HAPLN4: variants seen among roughly 807,000 people sequenced by gnomAD.
HAPLN4 encodes the protein brain link protein 2.
In HAPLN4, 19 loss-of-function variants were observed where a neutral mutation model predicts 28.0. The observed-to-expected ratio is 0.68, with a 90% CI of 0.47 to 1.00. The LOEUF (loss-of-function observed/expected upper bound fraction) is 1.00, where lower values mean the gene tolerates loss of function less well. Ranked by LOEUF, HAPLN4 falls within the 50% of genes least tolerant of loss-of-function variation. The pLI is 0.00. For missense variants in HAPLN4, 587 were observed against 602.6 expected (o/e 0.97, Z 0.27); for synonymous variants, 274 against 273.0 (o/e 1.00, Z -0.03).
At chr19:19,262,448 CAG>C (rs1462650899) in intron 1 of HAPLN4, among the ~76,000 whole-genome samples, 1 of 149,434 alleles carries the variant, frequency 6.7e-6, no homozygotes, top group Admixed American at 6.6e-5. Context: ...GTGCCAGAGG[CAG>C]AGAGACTCAG....
intron 1 of HAPLN4, 33 bp downstream of exon 1, chr19:19,262,697 G>T (rs1456195324): frequency 2.5e-6 from 4 of 1,610,706 alleles, no homozygotes; most frequent in South Asian, 2.2e-5. Context: ...GGGAGACGGG[G>T]CACACACCAC....
chr19:19,260,787 G>A (rs762803498), intron 3 of HAPLN4, 26 bp downstream of exon 3: 4 of 1,594,712 alleles, frequency 2.5e-6, no homozygotes, highest in Non-Finnish European at 8.6e-7. Flanking sequence ...CAGAAGCAAG[G>A]TTTATCCTCC....
At chr19:19,261,771 C>CA in intron 1 of HAPLN4, 1 of 503,758 alleles carries the variant, frequency 2.0e-6, no homozygotes, top group South Asian at 2.7e-5. Context: ...AGACTCCCCC[C>CA]CGCCCTCAGT....
rs891910642 is a variant in HAPLN4 at position 19,258,469 on chromosome 19, C to G, written c.817+54G>C. ...AAGAGCTGGGTGGGGAAGAAGGCCC[C>G]GGGGTTGGGGTAGTGTTGCAGCAGA... On this transcript the variant is annotated intron_variant, in intron 4 of 4. Coordinates refer to ENST00000291481, the MANE Select transcript of HAPLN4 (RefSeq NM_023002.3). This position sits in a 1 kb window ranked among gnomAD's most constrained non-coding sequence, Gnocchi z 6.2. The G allele has an allele frequency of 5.2e-6, 8 of 1,552,422 alleles. No individual in the cohort carries two copies. The highest frequency in any genetic ancestry group is 7.1e-6 in the Non-Finnish European group (8 of 1,133,678).
rs778953968 is a variant in HAPLN4, at chr19:19,261,123, G to A, written c.174C>T (p.Ser58=). The change falls in exon 3 of 5, where the codon AGC becomes AGT. Residue 58 remains serine (S), a synonymous_variant. Transcript: ENST00000291481. Reference sequence around the variant, plus strand: ...GCAAGACGATGGTGCCACCACGGTGGCTTACCACCTGCCCAGGCGCTGTCT... The same window carrying A: ...GCAAGACGATGGTGCCACCACGGTGACTTACCACCTGCCCAGGCGCTGTCT... ...VVQTAPGQVV[S]HRGGTIVLPC... 2 of 1,610,662 alleles carry A rather than the reference G, an allele frequency of 1.2e-6. No homozygotes were observed. The highest frequency in any genetic ancestry group is 1.7e-6 in the Non-Finnish European group (2 of 1,178,458).
Position 19,260,875 on chromosome 19 carries a change from T to C in HAPLN4, c.422A>G (p.Tyr141Cys), listed in dbSNP as rs1371869896. The C allele has an allele frequency of 6.2e-7, 1 of 1,614,122 alleles. No individual in the cohort carries two copies. Among genetic ancestry groups the C allele is most frequent in the Admixed American group, 1.7e-5 (1 of 60,028 alleles). Residue 141 changes from tyrosine (Y) to cysteine (C), a missense_variant, in exon 3 of 5, where the codon TAT becomes TGT. Tyr to Cys is a radical substitution (Grantham distance 194). Coordinates refer to ENST00000291481, the MANE Select transcript of HAPLN4 (RefSeq NM_023002.3). ...RNVTLQDYGR[Y>C]ECEVTNELED... is the part of the protein sequence containing the mutation. ...CAGCTCATTGGTGACTTCGCACTCATAGCGCCCGTAGTCTTGCAGCGTGAC... is the reference window on the plus strand; with the variant it reads ...CAGCTCATTGGTGACTTCGCACTCACAGCGCCCGTAGTCTTGCAGCGTGAC...
At position 19,258,674 on chromosome 19, in the gene HAPLN4, G is replaced by T. The variant is rs759841346; in HGVS notation, c.666C>A (p.Pro222=). 1.9e-6 allele frequency: 3 copies of T among 1,609,506 alleles called. No individual in the cohort carries two copies. The highest frequency in any genetic ancestry group is 2.5e-6 in the Non-Finnish European group (3 of 1,178,326). The change falls in exon 4 of 5, where the codon CCC becomes CCA. Residue 222 remains proline (P), a synonymous_variant. Transcript: ENST00000291481. The surrounding 1 kb of genome is among the most constrained non-coding windows in gnomAD (Gnocchi z 6.2). Reference sequence around the variant, plus strand: ...CGCAGGGCTCCCGGGGCCGGTTCACGGGGTATTGCACTGAGCCGTCGCGCA... The same window carrying T: ...CGCAGGGCTCCCGGGGCCGGTTCACTGGGTATTGCACTGAGCCGTCGCGCA... ...GWLRDGSVQY[P]VNRPREPCGG... is the part of the protein sequence containing the mutation.
Position 19,261,000 on chromosome 19 carries a change from G to T in HAPLN4, c.297C>A (p.Phe99Leu). 1 of 1,613,734 alleles carries T rather than the reference G, an allele frequency of 6.2e-7. No individual in the cohort carries two copies. The highest frequency in any genetic ancestry group is 1.1e-5 in the South Asian group (1 of 91,080). The change falls in exon 3 of 5, where the codon TTC (phenylalanine) becomes TTA (leucine). Residue 99 changes from phenylalanine to leucine, a missense_variant. Transcript: ENST00000291481. ...VVDPLAFTDV[F>L]VALGPQHRAF... Reference sequence around the variant, plus strand: ...CCCGGTGCTGGGGGCCTAGTGCCACGAAGACGTCGGTGAAGGCCAGCGGGT... The same window carrying T: ...CCCGGTGCTGGGGGCCTAGTGCCACTAAGACGTCGGTGAAGGCCAGCGGGT...
chr19:19,260,762 G>GC, intron 3 of HAPLN4, 51 bp downstream of exon 3: 1 of 1,569,840 alleles, frequency 6.4e-7, no homozygotes. Context: ...TGCCATCCCC[G>GC]CCCCCCTCCT....
chr19:19,257,056 C>T lies in HAPLN4; in HGVS notation c.*761G>A, dbSNP rs1002321573. On this transcript the variant is annotated 3_prime_UTR_variant, in exon 5 of 5. Transcript: ENST00000291481. ...TCAGAGGACAGGGTGGGTTTGCTCT[C>T]CCTTCAAAGAAATATCTGAGGGGTG... 5.9e-5 allele frequency: 9 copies of T among 152,336 alleles called. No homozygotes were observed. Among genetic ancestry groups the T allele is most frequent in the African/African-American group, 2.2e-4 (9 of 41,376 alleles). The allele number at this position is 152,336 out of a possible 1,614,324, so 9.4% of individuals were successfully genotyped here.
At position 19,261,573 on chromosome 19, in the gene HAPLN4, G is replaced by T; in HGVS notation, c.4-10C>A. On this transcript the variant is annotated splice_polypyrimidine_tract_variant and intron_variant, in intron 1 of 4. Transcript: ENST00000291481. ...CCGCCCGAGCGCACACCTGGGGGGC[G>T]GGCACGGGGCGCTCAGTCCAGCCTC... 6.8e-7 allele frequency: 1 copy of T among 1,460,092 alleles called. No individual in the cohort carries two copies. The highest frequency in any genetic ancestry group is 1.4e-5 in the South Asian group (1 of 69,538). 90.4% of individuals were successfully genotyped at this position (1,460,092 alleles called of 1,614,324 possible). A position where few individuals can be genotyped will look rare whatever the true frequency, so the allele number is the denominator to read the frequency against.
In HAPLN4 at chr19:19,257,790, C is replaced by T. The variant is rs779671711; in HGVS notation, c.*27G>A. 2 of 1,391,864 alleles carry T rather than the reference C, an allele frequency of 1.4e-6. No homozygotes were observed. The highest frequency in any genetic ancestry group is 1.8e-5 in the South Asian group (1 of 56,628). 86.2% of individuals were successfully genotyped at this position (1,391,864 alleles called of 1,614,324 possible). A position where few individuals can be genotyped will look rare whatever the true frequency, so the allele number is the denominator to read the frequency against. ...ACAGGGCTCTAGACCAGTGGTCAAG[C>T]GCCCTGGCTGTCCGCCTACTCCCAG... On this transcript the variant is annotated 3_prime_UTR_variant, in exon 5 of 5. Coordinates refer to ENST00000291481, the MANE Select transcript of HAPLN4 (RefSeq NM_023002.3).
At position 19,258,612 on chromosome 19, in the gene HAPLN4, C is replaced by T; in HGVS notation, c.728G>A (p.Gly243Asp). ...LGGTGSAGGG[G>D]DANGGLRNYG... ...GTTGCGCAGGCCCCCGTTGGCATCA[C>T]CGCCGCCCCCTGCACTCCCGGTCCC... Residue 243 changes from glycine to aspartate, a missense_variant, in exon 4 of 5, where the codon GGT becomes GAT. Coordinates refer to ENST00000291481, the MANE Select transcript of HAPLN4 (RefSeq NM_023002.3). This position sits in a 1 kb window ranked among gnomAD's most constrained non-coding sequence, Gnocchi z 6.2. 1 of 1,613,376 alleles carries T rather than the reference C, an allele frequency of 6.2e-7. No individual in the cohort carries two copies. Among genetic ancestry groups the T allele is most frequent in the Non-Finnish European group, 8.5e-7 (1 of 1,179,772 alleles).
chr19:19,255,040 C>T lies in HAPLN4; in HGVS notation c.*2777G>A, dbSNP rs977935260. ...TCATGTCAGGGAAAGTTTGTAATGTCTCTCCCTTCCTGGTACAGGAACCCC... is the reference window on the plus strand; with the variant it reads ...TCATGTCAGGGAAAGTTTGTAATGTTTCTCCCTTCCTGGTACAGGAACCCC... On this transcript the variant is annotated 3_prime_UTR_variant, in exon 5 of 5. Transcript: ENST00000291481. The T allele has an allele frequency of 1.3e-5, 2 of 152,250 alleles. No individual in the cohort carries two copies. Among genetic ancestry groups the T allele is most frequent in the African/African-American group, 4.8e-5 (2 of 41,438 alleles). 9.4% of individuals were successfully genotyped at this position (152,250 alleles called of 1,614,324 possible). A position where few individuals can be genotyped will look rare whatever the true frequency, so the allele number is the denominator to read the frequency against.
At chr19:19,261,771 C>A (rs1397630336) in intron 1 of HAPLN4, 5 of 503,650 alleles carry the variant, frequency 9.9e-6, no homozygotes, top group Non-Finnish European at 1.4e-5. Context: ...AGACTCCCCC[C>A]CGCCCTCAGT....
chr19:19,257,733 G>C lies in HAPLN4; in HGVS notation c.*84C>G. On this transcript the variant is annotated 3_prime_UTR_variant, in exon 5 of 5. Transcript: ENST00000291481. ...ACAGGGAATGTGGCCAGTGTCCAGG[G>C]CTTCAAGGGCGTGGCCAGGCTCCAG... 7.4e-7 allele frequency: 1 copy of C among 1,347,722 alleles called. No homozygotes were observed. The highest frequency in any genetic ancestry group is 9.5e-7 in the Non-Finnish European group (1 of 1,050,874). The allele number at this position is 1,347,722 out of a possible 1,614,324, so 83.5% of individuals were successfully genotyped here. A position where few individuals can be genotyped will look rare whatever the true frequency, so the allele number is the denominator to read the frequency against.
In HAPLN4 at chr19:19,258,071, T is replaced by G. The variant is rs751852363; in HGVS notation, c.955A>C (p.Thr319Pro). 3.9e-6 allele frequency: 6 copies of G among 1,554,966 alleles called. No individual in the cohort carries two copies. The highest frequency in any genetic ancestry group is 5.2e-6 in the Non-Finnish European group (6 of 1,157,358). The change falls in exon 5 of 5, where the codon ACC becomes CCC. Residue 319 changes from threonine to proline, a missense_variant. Physicochemically the swap from Thr to Pro is conservative, Grantham distance 38. Coordinates refer to ENST00000291481, the MANE Select transcript of HAPLN4 (RefSeq NM_023002.3). The surrounding 1 kb of genome is among the most constrained non-coding windows in gnomAD (Gnocchi z 6.2). ...CTGCCATCGGCCAGCCAACCCGCGG[T>G]GCAGCGGTCTAGCAGCTGCAGCTTC... ...AWKLQLLDRC[T>P]AGWLADGSAR...
At chr19:19,261,607 G>A (rs1449023023) in intron 1 of HAPLN4, 44 bp from the exon 2 acceptor site, 4 of 1,329,942 alleles carry the variant, frequency 3.0e-6, no homozygotes, top group Non-Finnish European at 4.0e-6. Flanking sequence ...TCCCAGCCTT[G>A]GCTTTTCGGA....
Position 19,260,929 on chromosome 19 carries a change from G to A in HAPLN4, c.368C>T (p.Pro123Leu), listed in dbSNP as rs748330177. 6.2e-7 allele frequency: 1 copy of A among 1,614,022 alleles called. No individual in the cohort carries two copies. Among genetic ancestry groups the A allele is most frequent in the South Asian group, 1.1e-5 (1 of 91,088 alleles). ...GCGGAGGACCAGGGAGGCATCCCCA[G>A]GCCCGTCGCCCTGCAGCTCAGCCCG... ...RGRAELQGDGPGDASLVLRNV... is the reference protein window; with the variant it reads ...RGRAELQGDGLGDASLVLRNV... The change falls in exon 3 of 5, where the codon CCT (proline) becomes CTT (leucine). Residue 123 changes from proline to leucine, a missense_variant. Coordinates refer to ENST00000291481, the MANE Select transcript of HAPLN4 (RefSeq NM_023002.3).
Sources: allele counts gnomAD v4.1 joint callset (sites outside exome capture counted in the v4.1 genomes callset), GRCh38; gene constraint gnomAD v4.1.1; non-coding constraint Gnocchi (gnomAD v3.1); transcripts MANE v1.5; gene names NCBI Gene and HGNC (gene_info 2026-07-23, HGNC 2026-07-21).